The following ANXA4 variants were observed in gnomAD, a reference collection of about 807,000 sequenced individuals.
The protein encoded by ANXA4 is 35-beta calcimedin.
Under a neutral mutation model 49.8 loss-of-function variants are expected in ANXA4, and 39 were observed. That is an observed-to-expected ratio of 0.78 (90% CI 0.61 to 1.02). The LOEUF (loss-of-function observed/expected upper bound fraction) is 1.02. ANXA4 is among the 50% of genes least tolerant of loss of function. The pLI, the probability that ANXA4 is intolerant of heterozygous loss-of-function variation, is 0.00. For missense variants in ANXA4, 360 were observed against 410.1 expected (o/e 0.88, Z 1.05); for synonymous variants, 134 against 152.5 (o/e 0.88, Z 0.89).
intron 3 of ANXA4, among the ~76,000 whole-genome samples, chr2:69,796,069 G>A (rs1038011838): frequency 2.0e-5 from 3 of 152,166 alleles, no homozygotes; most frequent in African/African-American, 7.2e-5. Flanking sequence ...GGAGCCAGGG[G>A]TCTGAGCCCT....
rs150969720 is a variant in ANXA4 at position 69,744,361 on chromosome 2, C to G, written c.-47+2186C>G. On this transcript the variant is annotated intron_variant, in intron 1 of 12. Coordinates refer to ENST00000394295, the MANE Select transcript of ANXA4 (RefSeq NM_001153.5). ...AGAGGAGGAGATTTTCTTTGAGTGTCATTTTTACACAAATATTTGAAATTA... is the reference window on the plus strand; with the variant it reads ...AGAGGAGGAGATTTTCTTTGAGTGTGATTTTTACACAAATATTTGAAATTA... Among the ~76,000 whole-genome samples, 4 of 152,234 alleles carry G rather than the reference C, an allele frequency of 2.6e-5. No homozygotes were observed. In the East Asian group the frequency reaches 7.7e-4, roughly 29 times the overall value.
chr2:69,800,429 C>T, intron 3 of ANXA4, among the ~76,000 whole-genome samples: 1 of 152,216 alleles, frequency 6.6e-6, no homozygotes, highest in East Asian at 1.9e-4. Flanking sequence ...GCAAGGCAGA[C>T]TGTTGGAGAA....
In ANXA4 at chr2:69,735,920, G is replaced by A. The variant is rs1670233246; in HGVS notation, n.864+15049G>A. Among the ~76,000 whole-genome samples, 4 of 152,086 alleles carry A rather than the reference G, an allele frequency of 2.6e-5. No individual in the cohort carries two copies. In the South Asian group the frequency reaches 8.3e-4, roughly 32 times the overall value. On this transcript the variant is annotated intron_variant and non_coding_transcript_variant, in intron 3 of 3. Coordinates refer to the ANXA4 transcript ENST00000418066. ...AGTCACATGTCTGGCACTGAGACAGGGAAAACTCAAACTGCTGGGGCATGA... is the reference window on the plus strand; with the variant it reads ...AGTCACATGTCTGGCACTGAGACAGAGAAAACTCAAACTGCTGGGGCATGA...
At chr2:69,704,914 CCT>C (rs1194900229) in intron 2 of ANXA4, among the ~76,000 whole-genome samples, 1 of 152,086 alleles carries the variant, frequency 6.6e-6, no homozygotes, top group African/African-American at 2.4e-5. Context: ...ATCCTCCTTA[CCT>C]CAAGAGGTAA....
chr2:69,819,074 A>G (rs1431218973), intron 10 of ANXA4, among the ~76,000 whole-genome samples: 1 of 152,250 alleles, frequency 6.6e-6, no homozygotes, highest in African/African-American at 2.4e-5. Context: ...TTACTTCTCC[A>G]GGAACTTGAT....
rs113989804 is a variant in ANXA4, at chr2:69,686,735, C to T, written n.766+33453C>T. On this transcript the variant is annotated intron_variant and non_coding_transcript_variant, in intron 2 of 3. Coordinates refer to the ANXA4 transcript ENST00000418066. ...CCTCCCAGAGGGCTGGGATTACAGA[C>T]GTTAACCACCTTGCCCAGCATAATT... is the stretch of plus-strand genomic sequence containing the variant. Among the ~76,000 whole-genome samples, 26 of 152,316 alleles carry T rather than the reference C, an allele frequency of 1.7e-4. 1 individual carries two copies. Among genetic ancestry groups the T allele is most frequent in the East Asian group, 7.7e-4 (4 of 5,184 alleles).
At chr2:69,760,637 A>G (rs1671244883) in intron 1 of ANXA4, among the ~76,000 whole-genome samples, 1 of 152,082 alleles carries the variant, frequency 6.6e-6, no homozygotes, top group South Asian at 2.1e-4. Context: ...GTTTTCTAGC[A>G]TTTTGACATA....
intron 12 of ANXA4, among the ~76,000 whole-genome samples, chr2:69,823,266 TAC>T (rs1276000571): frequency 2.0e-5 from 3 of 150,718 alleles, no homozygotes; most frequent in African/African-American, 2.4e-5. Context: ...TATGTGTGTA[TAC>T]ACACACACAC....
At chr2:69,697,662 TC>T (rs1678200775) in intron 2 of ANXA4, among the ~76,000 whole-genome samples, 1 of 152,214 alleles carries the variant, frequency 6.6e-6, no homozygotes, top group Non-Finnish European at 1.5e-5. Flanking sequence ...ACATGATTCT[TC>T]CTTTCACTTG....
intron 6 of ANXA4, 171 bp downstream of exon 6, chr2:69,808,167 G>A (rs995450122): frequency 3.3e-6 from 2 of 614,738 alleles, no homozygotes; most frequent in Non-Finnish European, 5.7e-6. Flanking sequence ...ATGGCGGTCT[G>A]TTGGCTCCTT....
chr2:69,801,403 G>T (rs1030937029), intron 3 of ANXA4, among the ~76,000 whole-genome samples: 6 of 148,020 alleles, frequency 4.1e-5, no homozygotes, highest in Non-Finnish European at 1.5e-5. Context: ...TCTGTTTTTT[G>T]TTTTTTTTTT....
At chr2:69,808,739 G>T (rs1162312439) in intron 6 of ANXA4, 2 of 151,922 alleles carry the variant, frequency 1.3e-5, no homozygotes, top group Non-Finnish European at 2.9e-5. Context: ...ATAGCTCACT[G>T]CAACCTCGAC....
At chr2:69,728,856 A>G (rs935183496) in intron 3 of ANXA4, among the ~76,000 whole-genome samples, 4 of 152,190 alleles carry the variant, frequency 2.6e-5, no homozygotes, top group East Asian at 1.9e-4. Context: ...ATTTTGGTCT[A>G]AACTTTAGGA....
chr2:69,705,871 G>A (rs1031545031), intron 2 of ANXA4, among the ~76,000 whole-genome samples: 2 of 152,130 alleles, frequency 1.3e-5, no homozygotes, highest in African/African-American at 4.8e-5. Context: ...GGTGGAGGTT[G>A]CAGTGAGCTA....
chr2:69,692,052 A>G (rs1677993999), intron 2 of ANXA4, among the ~76,000 whole-genome samples: 2 of 152,064 alleles, frequency 1.3e-5, no homozygotes, highest in Non-Finnish European at 2.9e-5. Context: ...TACCTGGCTA[A>G]TTTTTGTATT....
rs117855272 is a variant in ANXA4 at position 69,661,648 on chromosome 2, G to A, written n.766+8366G>A. 7.7e-4 allele frequency among the ~76,000 whole-genome samples: 117 copies of A among 152,206 alleles called. 3 individuals are homozygous for A. In the East Asian group the frequency reaches 0.016, roughly 21 times the overall value. ...AGAGTTTGGAACCTGGAAAGCACGT[G>A]GACAGGTGATAACTGACTTAGCAGA... On this transcript the variant is annotated intron_variant and non_coding_transcript_variant, in intron 2 of 3. Transcript: ENST00000418066.
upstream of ANXA4, chr2:69,643,874 G>A (rs1229659561): frequency 6.8e-6 from 8 of 1,175,842 alleles, no homozygotes; most frequent in African/African-American, 3.2e-5. Flanking sequence ...CCGTTCTGTC[G>A]CCACGGATGG....
At chr2:69,753,948 G>A (rs970366993) in intron 1 of ANXA4, among the ~76,000 whole-genome samples, 1 of 152,200 alleles carries the variant, frequency 6.6e-6, no homozygotes, top group African/African-American at 2.4e-5. Context: ...TAAATCTGGA[G>A]GGCAGAACAG....
intron 1 of ANXA4, among the ~76,000 whole-genome samples, chr2:69,778,775 CAAAAAAAAAAA>C (rs58688910): frequency 0.02 from 721 of 36,548 alleles, 11 homozygotes; most frequent in African/African-American, 0.064. Flanking sequence ...AACTCTGTCT[CAAAAAAAAAAA>C]AAAAAAAAAA....
Sources: gnomAD v4.1 joint callset for allele counts (sites outside exome capture counted in the v4.1 genomes callset) on GRCh38, gnomAD v4.1.1 for gene constraint, MANE v1.5 for transcripts, NCBI Gene and HGNC (gene_info 2026-07-23, HGNC 2026-07-21) for gene names.